The following FHIP2A variants were observed in gnomAD, a reference collection of about 807,000 sequenced individuals.
FHIP2A encodes the protein FHF complex subunit HOOK interacting protein 2A, also known as family with sequence similarity 160 member B1.
FHIP2A carries 46 observed loss-of-function variants against 93.5 expected under a neutral mutation model. The observed-to-expected ratio is 0.49, with a 90% CI of 0.39 to 0.63. The LOEUF (loss-of-function observed/expected upper bound fraction) is 0.63. Ranked by LOEUF, FHIP2A falls within the 20% of genes least tolerant of loss-of-function variation. The probability of loss-of-function intolerance (pLI) is 0.00; values close to 1 mark genes in which losing one functional copy is unlikely to be tolerated. For synonymous variants in FHIP2A, 332 were observed against 326.5 expected, an observed-to-expected ratio of 1.02 and a Z score of -0.18; for missense variants, 769 against 909.7, an observed-to-expected ratio of 0.85 and a Z score of 1.99.
chr10:114,882,256 T>C (rs1403678612), intron 16 of FHIP2A, among the ~76,000 whole-genome samples: 2 of 152,214 alleles, frequency 1.3e-5, no homozygotes, highest in African/African-American at 4.8e-5. Flanking sequence ...TGAGGCAGTC[T>C]GTCCCCAGAC....
In FHIP2A at chr10:114,827,818, G is replaced by T. The variant is rs182204965; in HGVS notation, c.46-3034G>T. Among the ~76,000 whole-genome samples the T allele has an allele frequency of 6.4e-5, 9 of 141,178 alleles. No individual in the cohort carries two copies. The East Asian group carries it at 1.8e-3, about 29-fold the overall frequency. 92.6% of individuals were successfully genotyped at this position (141,178 alleles called of 152,430 possible). ...TCTCAAAAAAAAAAAAAAAAAAAGA[G>T]TATCAAGGCATATATAGGGACTCCA... On this transcript the variant is annotated intron_variant, in intron 1 of 16. Transcript: ENST00000369248.
At chr10:114,844,637 G>A (rs769670071) in intron 7 of FHIP2A, among the ~76,000 whole-genome samples, 1 of 152,144 alleles carries the variant, frequency 6.6e-6, no homozygotes, top group Non-Finnish European at 1.5e-5. Flanking sequence ...CGCTATTTCT[G>A]TTTGTAGATC....
At position 114,862,596 on chromosome 10, in the gene FHIP2A, A is replaced by G; in HGVS notation, c.*1056A>G. The G allele has an allele frequency of 1.0e-6, 1 of 986,610 alleles. No individual in the cohort carries two copies. The allele number at this position is 986,610 out of a possible 1,614,324, so 61.1% of individuals were successfully genotyped here. A position where few individuals can be genotyped will look rare whatever the true frequency, so the allele number is the denominator to read the frequency against. On this transcript the variant is annotated 3_prime_UTR_variant, in exon 17 of 17. Coordinates refer to ENST00000369248, the MANE Select transcript of FHIP2A (RefSeq NM_020940.4). ...AAATGTCCTATTTACATGTTAAAGGATTTGGGGAAATTGGGTATGTATGTG... is the reference window on the plus strand; with the variant it reads ...AAATGTCCTATTTACATGTTAAAGGGTTTGGGGAAATTGGGTATGTATGTG...
chr10:114,830,745 C>T, intron 1 of FHIP2A, 107 bp from the exon 2 acceptor site: 1 of 597,170 alleles, frequency 1.7e-6, no homozygotes, highest in Non-Finnish European at 2.8e-6. Flanking sequence ...AAGTTCACCC[C>T]TTATTTTTAT....
At chr10:114,835,798 T>G (rs768104541) in intron 4 of FHIP2A, among the ~76,000 whole-genome samples, 157 bp downstream of exon 4, 3 of 152,216 alleles carry the variant, frequency 2.0e-5, no homozygotes, top group African/African-American at 4.8e-5. Flanking sequence ...TCACATAGCA[T>G]TAAGTGTATT....
In FHIP2A at chr10:114,845,452, T is replaced by G. The variant is rs745711947; in HGVS notation, c.1099T>G (p.Cys367Gly). 4 of 1,612,790 alleles carry G rather than the reference T, an allele frequency of 2.5e-6. No homozygotes were observed. The highest frequency in any genetic ancestry group is 3.4e-6 in the Non-Finnish European group (4 of 1,178,960). ...TTCATTTCTTTCCTGGTTTGATTAT[T>G]GTGATCAGCTCATTAAGGAAGCCCA... ...LISFLSWFDY[C>G]DQLIKEAQKT... The change falls in exon 8 of 17, where the codon TGT (cysteine) becomes GGT (glycine). Residue 367 changes from cysteine (C) to glycine (G), a missense_variant. Coordinates refer to ENST00000369248, the MANE Select transcript of FHIP2A (RefSeq NM_020940.4).
chr10:114,845,029 C>A (rs1242310047), intron 7 of FHIP2A, among the ~76,000 whole-genome samples: 1 of 150,842 alleles, frequency 6.6e-6, no homozygotes, highest in Admixed American at 6.6e-5. Flanking sequence ...TCTCGAACTC[C>A]TGACCTCAAG....
At chr10:114,838,889 G>C (rs1168954128) in intron 5 of FHIP2A, among the ~76,000 whole-genome samples, 2 of 152,162 alleles carry the variant, frequency 1.3e-5, no homozygotes, top group African/African-American at 2.4e-5. Context: ...GTAGGTGTCT[G>C]CATTTTTTTA....
chr10:114,855,096 G>A, intron 13 of FHIP2A, 101 bp from the exon 14 acceptor site: 1 of 1,238,944 alleles, frequency 8.1e-7, no homozygotes, highest in Non-Finnish European at 1.1e-6. Flanking sequence ...CAGACATTCT[G>A]CATTCAAATG....
At chr10:114,833,534 A>G in intron 3 of FHIP2A, 132 bp downstream of exon 3, 1 of 867,350 alleles carries the variant, frequency 1.2e-6, no homozygotes. Flanking sequence ...AAGATTGTAG[A>G]AAAAAGAAAA....
rs760669756 is a variant in FHIP2A at position 114,833,252 on chromosome 10, C to T, written c.144C>T (p.Thr48=). 3.2e-5 allele frequency: 52 copies of T among 1,608,838 alleles called. No homozygotes were observed. Among genetic ancestry groups the T allele is most frequent in the Middle Eastern group, 1.6e-4 (1 of 6,072 alleles). ...GTTTAGATGATAAAGCCCCAGTGAC[C>T]GATACAAATATTCCATCGCATCTGG... ...IETSDDKAPV[T]DTNIPSHLEQ... The change falls in exon 3 of 17, where the codon ACC becomes ACT. Residue 48 remains threonine (T), a synonymous_variant. Transcript: ENST00000369248.
At position 114,863,894 on chromosome 10, in the gene FHIP2A, T is replaced by C; in HGVS notation, c.*2354T>C. ...ACATTTGTATCAATAAATATGCACA[T>C]TTTTTAAAACTTTCTAACAATATAG... On this transcript the variant is annotated 3_prime_UTR_variant, in exon 17 of 17. Transcript: ENST00000369248. 1 of 1,086,472 alleles carries C rather than the reference T, an allele frequency of 9.2e-7. No homozygotes were observed. The highest frequency in any genetic ancestry group is 1.1e-6 in the Non-Finnish European group (1 of 887,790). The allele number at this position is 1,086,472 out of a possible 1,614,324, so 67.3% of individuals were successfully genotyped here.
intron 16 of FHIP2A, among the ~76,000 whole-genome samples, chr10:114,887,000 A>C (rs1018694414): frequency 6.6e-6 from 1 of 152,178 alleles, no homozygotes; most frequent in Non-Finnish European, 1.5e-5. Context: ...ACACCTAGTA[A>C]TGGGGAAAGG....
rs537693092 is a variant in FHIP2A, at chr10:114,827,438, A to G, written c.46-3414A>G. Among the ~76,000 whole-genome samples, 158 of 152,330 alleles carry G rather than the reference A, an allele frequency of 1.0e-3. 1 individual carries two copies. The highest frequency in any genetic ancestry group is 2.9e-3 in the African/African-American group (122 of 41,578). ...TAGAGCTGACAATCTAGTGGAAGAGATGAATAATTAAACAATGACAAAAGT... is the reference window on the plus strand; with the variant it reads ...TAGAGCTGACAATCTAGTGGAAGAGGTGAATAATTAAACAATGACAAAAGT... On this transcript the variant is annotated intron_variant, in intron 1 of 16. Coordinates refer to ENST00000369248, the MANE Select transcript of FHIP2A (RefSeq NM_020940.4).
chr10:114,840,552 A>G (rs1484891932), intron 5 of FHIP2A, among the ~76,000 whole-genome samples: 1 of 152,198 alleles, frequency 6.6e-6, no homozygotes, highest in Non-Finnish European at 1.5e-5. Flanking sequence ...CAGGGAAACT[A>G]ATTTGGAAAC....
intron 16 of FHIP2A, among the ~76,000 whole-genome samples, chr10:114,873,351 CAT>C (rs1017561992): frequency 1.3e-5 from 2 of 152,124 alleles, no homozygotes; most frequent in Admixed American, 6.6e-5. Context: ...TGATTTTAGT[CAT>C]ATCTTATCAA....
downstream of FHIP2A, among the ~76,000 whole-genome samples, chr10:114,868,424 G>A (rs559801086): frequency 2.0e-4 from 30 of 152,026 alleles, no homozygotes; most frequent in Non-Finnish European, 3.2e-4. Flanking sequence ...GTTGCATCCC[G>A]AAATCATCCC....
At chr10:114,822,537 G>C (rs1017348629) in intron 1 of FHIP2A, among the ~76,000 whole-genome samples, 4 of 152,250 alleles carry the variant, frequency 2.6e-5, no homozygotes, top group Admixed American at 2.6e-4. Flanking sequence ...AAAGTGGTCA[G>C]CGTTGAGCAA....
intron 16 of FHIP2A, among the ~76,000 whole-genome samples, chr10:114,875,064 C>T (rs1390615588): frequency 6.6e-6 from 1 of 152,182 alleles, no homozygotes; most frequent in Non-Finnish European, 1.5e-5. Context: ...CCGAAGCTTG[C>T]TTGCATTAAA....
Sources: allele counts gnomAD v4.1 joint callset (sites outside exome capture counted in the v4.1 genomes callset), GRCh38; gene constraint gnomAD v4.1.1; transcripts MANE v1.5; gene names NCBI Gene and HGNC (gene_info 2026-07-23, HGNC 2026-07-21).